Variants in SPATS2 observed in about 807,000 individuals in gnomAD.
SPATS2 encodes the protein spermatogenesis associated serine rich 2, also known as spermatogenesis-associated serine-rich protein 2.
In SPATS2, 38 loss-of-function variants were observed where a neutral mutation model predicts 63.7. The observed-to-expected ratio is 0.60, with a 90% CI of 0.46 to 0.78. SPATS2 has a LOEUF of 0.78. Among genes scored for constraint, SPATS2 ranks in the 30% least tolerant of loss-of-function variants. The pLI, the probability that SPATS2 is intolerant of heterozygous loss-of-function variation, is 0.00. For synonymous variants in SPATS2, 207 were observed against 232.9 expected (o/e 0.89, Z 1.01); for missense variants, 588 against 666.2 (o/e 0.88, Z 1.29).
intron 2 of SPATS2, among the ~76,000 whole-genome samples, chr12:49,425,463 G>A (rs1945057782): frequency 6.6e-6 from 1 of 152,070 alleles, no homozygotes; most frequent in South Asian, 2.1e-4. Context: ...GGGACTACAG[G>A]CGTGTGCCAT....
intron 3 of SPATS2, among the ~76,000 whole-genome samples, chr12:49,467,375 C>T (rs1386211923): frequency 1.3e-5 from 2 of 152,030 alleles, no homozygotes; most frequent in African/African-American, 4.8e-5. Context: ...ATATGTATAA[C>T]TCTTTATATT....
intron 2 of SPATS2, among the ~76,000 whole-genome samples, chr12:49,400,117 C>T (rs1468804451): frequency 6.6e-6 from 1 of 152,130 alleles, no homozygotes; most frequent in Non-Finnish European, 1.5e-5. Flanking sequence ...CTCTGTCTTC[C>T]TTGAGTTTAT....
intron 3 of SPATS2, among the ~76,000 whole-genome samples, chr12:49,479,545 C>T (rs1196012603): frequency 6.6e-6 from 1 of 152,180 alleles, no homozygotes; most frequent in Admixed American, 6.5e-5. Context: ...GGGGCTCCTG[C>T]CTGCTTCATG....
chr12:49,425,776 C>T (rs1261905081), intron 2 of SPATS2, among the ~76,000 whole-genome samples: 1 of 152,094 alleles, frequency 6.6e-6, no homozygotes, highest in Non-Finnish European at 1.5e-5. Flanking sequence ...ATTACAGGCG[C>T]ATGCCACCAT....
Position 49,402,635 on chromosome 12 carries a change from C to T in SPATS2, c.-244+31345C>T, listed in dbSNP as rs1419845172. 7.2e-5 allele frequency among the ~76,000 whole-genome samples: 11 copies of T among 152,044 alleles called. No homozygotes were observed. In the East Asian group the frequency reaches 7.7e-4, roughly 11 times the overall value. On this transcript the variant is annotated intron_variant, in intron 2 of 13. Coordinates refer to ENST00000552918, the MANE Select transcript of SPATS2 (RefSeq NM_023071.4). ...CAGTCATCTATATGAACATTGAAAT[C>T]GCCTGGAATGATAGCCCAGTGAACC...
At chr12:49,420,008 C>T (rs1237794138) in intron 2 of SPATS2, among the ~76,000 whole-genome samples, 1 of 152,190 alleles carries the variant, frequency 6.6e-6, no homozygotes, top group Non-Finnish European at 1.5e-5. Flanking sequence ...GGAAAAGCAG[C>T]TGGAAATACC....
Position 49,494,741 on chromosome 12 carries a change from A to G in SPATS2, c.265A>G (p.Asn89Asp), listed in dbSNP as rs760515894. 1 of 1,530,400 alleles carries G rather than the reference A, an allele frequency of 6.5e-7. No individual in the cohort carries two copies. The highest frequency in any genetic ancestry group is 1.3e-5 in the South Asian group (1 of 79,350). 94.8% of individuals were successfully genotyped at this position (1,530,400 alleles called of 1,614,324 possible). ...TTTTTCAAATTTTTAATAACTTTAGAACAAAAAGAAGAAAAACAAACCGAA... is the reference window on the plus strand; with the variant it reads ...TTTTTCAAATTTTTAATAACTTTAGGACAAAAAGAAGAAAAACAAACCGAA... ...KEWTVTGKKK[N>D]KKKKNKPKPA... Residue 89 changes from asparagine to aspartate, a missense_variant and splice_region_variant, in exon 7 of 14, where the codon AAC (asparagine) becomes GAC (aspartate). Transcript: ENST00000552918.
At chr12:49,476,853 C>T (rs557945787) in intron 3 of SPATS2, among the ~76,000 whole-genome samples, 1 of 152,332 alleles carries the variant, frequency 6.6e-6, no homozygotes, top group Non-Finnish European at 1.5e-5. Context: ...CGCCTGTAAT[C>T]CCAGCACTTT....
At chr12:49,372,938 TTTTGTG>T (rs1276268735) in intron 2 of SPATS2, among the ~76,000 whole-genome samples, 6 of 139,006 alleles carry the variant, frequency 4.3e-5, no homozygotes, top group East Asian at 2.1e-4. Context: ...TGATTTTCTG[TTTTGTG>T]TGTGTGTGTG....
At chr12:49,500,808 C>G (rs562974755) in intron 9 of SPATS2, among the ~76,000 whole-genome samples, 1 of 151,852 alleles carries the variant, frequency 6.6e-6, no homozygotes, top group Non-Finnish European at 1.5e-5. Context: ...TCCTTTTAAA[C>G]TAAGATCCTA....
intron 2 of SPATS2, among the ~76,000 whole-genome samples, chr12:49,408,756 A>G (rs747543525): frequency 2.8e-4 from 42 of 152,050 alleles, no homozygotes; most frequent in African/African-American, 3.9e-4. Flanking sequence ...GGGTATCGCC[A>G]TGTTGGCCAG....
chr12:49,393,086 A>G (rs1297332678), intron 2 of SPATS2, among the ~76,000 whole-genome samples: 4 of 152,142 alleles, frequency 2.6e-5, no homozygotes, highest in African/African-American at 9.7e-5. Flanking sequence ...CTGTGTACTC[A>G]CCAGTGCTTT....
upstream of SPATS2, chr12:49,366,896 C>T (rs1161664031): frequency 6.6e-6 from 1 of 151,992 alleles, no homozygotes; most frequent in Non-Finnish European, 1.5e-5. Flanking sequence ...CGGCGCGCGC[C>T]GGGTCCCTAA....
chr12:49,451,511 G>A (rs1945623258), intron 2 of SPATS2, among the ~76,000 whole-genome samples: 2 of 152,024 alleles, frequency 1.3e-5, no homozygotes, highest in African/African-American at 4.8e-5. Flanking sequence ...GTAATAATTA[G>A]TTGAATTCTT....
chr12:49,435,801 G>A (rs1315013925), intron 2 of SPATS2, among the ~76,000 whole-genome samples: 1 of 151,182 alleles, frequency 6.6e-6, no homozygotes, highest in East Asian at 1.9e-4. Context: ...CTTCCGCAGT[G>A]TTTGTGTCCC....
At chr12:49,437,558 C>A (rs374187722) in intron 2 of SPATS2, among the ~76,000 whole-genome samples, 157 of 151,790 alleles carry the variant, frequency 1.0e-3, no homozygotes, top group Admixed American at 2.7e-3. Context: ...TGAGTGAACG[C>A]GACTCCGTCT....
intron 2 of SPATS2, among the ~76,000 whole-genome samples, chr12:49,447,615 C>G (rs1275070231): frequency 6.6e-6 from 1 of 152,110 alleles, no homozygotes; most frequent in Non-Finnish European, 1.5e-5. Context: ...ACAATCTGGC[C>G]TTGTGCTTTT....
At chr12:49,381,201 A>G (rs1297364256) in intron 2 of SPATS2, among the ~76,000 whole-genome samples, 3 of 152,164 alleles carry the variant, frequency 2.0e-5, no homozygotes, top group Non-Finnish European at 1.5e-5. Flanking sequence ...TCTTGGAGAA[A>G]TGTCTATTAA....
intron 2 of SPATS2, among the ~76,000 whole-genome samples, chr12:49,393,792 C>T (rs1417759025): frequency 6.6e-6 from 1 of 152,142 alleles, no homozygotes; most frequent in East Asian, 1.9e-4. Flanking sequence ...ACAAGAAAAC[C>T]GAGGCTCATC....
Sources: gnomAD v4.1 joint callset for allele counts (sites outside exome capture counted in the v4.1 genomes callset) on GRCh38, gnomAD v4.1.1 for gene constraint, MANE v1.5 for transcripts, NCBI Gene and HGNC (gene_info 2026-07-23, HGNC 2026-07-21) for gene names.